Variants in MAP2 observed in about 807,000 individuals in gnomAD.
The protein encoded by MAP2 is microtubule-associated protein 2.
A neutral mutation model predicts 137.6 loss-of-function variants in MAP2; 14 were observed. That is an observed-to-expected ratio of 0.10 (90% confidence interval 0.07 to 0.16). MAP2 has a LOEUF of 0.16. Ranked by LOEUF, MAP2 falls within the 10% of genes least tolerant of loss-of-function variation. The pLI, the probability that MAP2 is intolerant of heterozygous loss-of-function variation, is 1.00. For synonymous variants in MAP2, 786 were observed against 782.3 expected, an observed-to-expected ratio of 1.00 and a Z score of -0.08; for missense variants, 2,088 against 2,191.5, an observed-to-expected ratio of 0.95 and a Z score of 0.94.
At chr2:209,459,469 G>A (rs187907373) in intron 1 of MAP2, among the ~76,000 whole-genome samples, 1 of 151,926 alleles carries the variant, frequency 6.6e-6, no homozygotes, top group East Asian at 1.9e-4. Flanking sequence ...TATTCAAGAC[G>A]AAGCCTGGCC....
At chr2:209,469,328 T>A (rs1198922605) in intron 1 of MAP2, among the ~76,000 whole-genome samples, 3 of 152,218 alleles carry the variant, frequency 2.0e-5, no homozygotes, top group Non-Finnish European at 2.9e-5. Context: ...ATAAGATGTT[T>A]GTTCCTGGTT....
chr2:209,615,414 CA>C (rs1416830501), intron 3 of MAP2, among the ~76,000 whole-genome samples: 1 of 152,100 alleles, frequency 6.6e-6, no homozygotes, highest in Non-Finnish European at 1.5e-5. Context: ...GCCAAGAAAC[CA>C]CAGATTAAAA....
At chr2:209,669,272 T>A (rs966425924) in intron 5 of MAP2, among the ~76,000 whole-genome samples, 7 of 152,018 alleles carry the variant, frequency 4.6e-5, no homozygotes, top group Non-Finnish European at 1.0e-4. Context: ...TCATGTTGGT[T>A]TTTCCATGTG....
chr2:209,485,540 AGGATAGCC>A (rs1160594226), intron 1 of MAP2, among the ~76,000 whole-genome samples: 1 of 152,202 alleles, frequency 6.6e-6, no homozygotes, highest in Non-Finnish European at 1.5e-5. Context: ...CAAACAATTG[AGGATAGCC>A]CATAACCAAA....
chr2:209,576,136 T>TA lies in MAP2; in HGVS notation c.-171-3897dup, dbSNP rs1370914873. Among the ~76,000 whole-genome samples, 6 of 152,298 alleles carry TA rather than the reference T, an allele frequency of 3.9e-5. No individual in the cohort carries two copies. The East Asian group carries it at 9.6e-4, about 24-fold the overall frequency. On this transcript the variant is annotated intron_variant, in intron 2 of 15. Coordinates refer to ENST00000682079, the MANE Select transcript of MAP2 (RefSeq NM_001375505.1). ...TGGGAGTATAGCTAAATCAGATTCT[T>TA]AAAGATCAGGCATCTACAATGAAGC...
intron 12 of MAP2, among the ~76,000 whole-genome samples, chr2:209,707,087 G>A (rs114054252): frequency 0.016 from 2,491 of 152,202 alleles, 66 homozygotes; most frequent in African/African-American, 0.057. Context: ...TATGAGACAA[G>A]ACAAAGATAC....
intron 1 of MAP2, among the ~76,000 whole-genome samples, chr2:209,473,324 A>C (rs1335354046): frequency 6.6e-6 from 1 of 152,146 alleles, no homozygotes; most frequent in Admixed American, 6.6e-5. Flanking sequence ...TGACTTTTAG[A>C]GGATTTTACT....
At chr2:209,720,935 ACT>A (rs1402754114) in intron 13 of MAP2, among the ~76,000 whole-genome samples, 1 of 151,554 alleles carries the variant, frequency 6.6e-6, no homozygotes, top group African/African-American at 2.4e-5. Flanking sequence ...TAAAACTATA[ACT>A]CTTTGATTTT....
chr2:209,550,232 G>T (rs1261558023), intron 2 of MAP2, among the ~76,000 whole-genome samples: 1 of 152,024 alleles, frequency 6.6e-6, no homozygotes, highest in Non-Finnish European at 1.5e-5. Flanking sequence ...TCTCCTCTGG[G>T]ACCATCAAAC....
intron 1 of MAP2, among the ~76,000 whole-genome samples, chr2:209,437,864 A>G (rs892717601): frequency 2.6e-5 from 4 of 151,028 alleles, no homozygotes; most frequent in Admixed American, 2.0e-4. Flanking sequence ...TATTTGAGAT[A>G]AGTCGTTCCC....
chr2:209,581,749 T>C (rs1223355372), intron 3 of MAP2, among the ~76,000 whole-genome samples: 1 of 152,144 alleles, frequency 6.6e-6, no homozygotes, highest in Non-Finnish European at 1.5e-5. Flanking sequence ...GTGAAATTAT[T>C]TAACTGCTAA....
chr2:209,609,205 C>G (rs1209071789), intron 3 of MAP2, among the ~76,000 whole-genome samples: 1 of 151,708 alleles, frequency 6.6e-6, no homozygotes, highest in Non-Finnish European at 1.5e-5. Context: ...TCCCATTGCT[C>G]AGGCTTAAAA....
chr2:209,633,010 A>G (rs1297893266), intron 4 of MAP2, among the ~76,000 whole-genome samples: 5 of 152,172 alleles, frequency 3.3e-5, no homozygotes, highest in African/African-American at 7.2e-5. Flanking sequence ...AGCTCCAAAC[A>G]TATTAAATGC....
chr2:209,498,863 A>G (rs1053012249), intron 1 of MAP2, among the ~76,000 whole-genome samples: 2 of 152,172 alleles, frequency 1.3e-5, no homozygotes, highest in African/African-American at 4.8e-5. Context: ...CTCTGGGCCT[A>G]TGATGGGAGG....
intron 1 of MAP2, among the ~76,000 whole-genome samples, chr2:209,429,904 TATC>T (rs545683691): frequency 2.7e-4 from 41 of 152,260 alleles, no homozygotes; most frequent in African/African-American, 9.4e-4. Flanking sequence ...AATAATATGG[TATC>T]ATTTTGATTG....
chr2:209,482,106 T>C (rs949299853), intron 1 of MAP2, among the ~76,000 whole-genome samples: 4 of 152,200 alleles, frequency 2.6e-5, no homozygotes, highest in Admixed American at 2.0e-4. Context: ...AAGACAGCAG[T>C]AGAATCAGTG....
chr2:209,631,860 A>G (rs2093092638), intron 4 of MAP2, among the ~76,000 whole-genome samples: 1 of 152,306 alleles, frequency 6.6e-6, no homozygotes, highest in African/African-American at 2.4e-5. Context: ...AACATGTGTT[A>G]AAAGAAACAG....
intron 1 of MAP2, among the ~76,000 whole-genome samples, chr2:209,454,637 TA>T (rs1168195831): frequency 3.3e-4 from 51 of 152,330 alleles, no homozygotes; most frequent in African/African-American, 1.2e-3. Context: ...GCACCTGTCC[TA>T]AATACTGAAT....
At chr2:209,494,644 G>A (rs2059536949) in intron 1 of MAP2, among the ~76,000 whole-genome samples, 1 of 152,090 alleles carries the variant, frequency 6.6e-6, no homozygotes, top group Admixed American at 6.5e-5. Flanking sequence ...CATACAAATG[G>A]ACAACCAACA....
Sources: gnomAD v4.1 joint callset for allele counts (sites outside exome capture counted in the v4.1 genomes callset) on GRCh38, gnomAD v4.1.1 for gene constraint, MANE v1.5 for transcripts, NCBI Gene and HGNC (gene_info 2026-07-23, HGNC 2026-07-21) for gene names.